Variants in SGSM1 observed in about 807,000 individuals in gnomAD.
SGSM1 encodes the protein RUN and TBC1 domain containing 2.
Under a neutral mutation model 133.8 loss-of-function variants are expected in SGSM1, and 73 were observed. The observed-to-expected ratio is 0.55, with a 90% CI of 0.45 to 0.66. The LOEUF (loss-of-function observed/expected upper bound fraction) is 0.66, where lower values mean the gene tolerates loss of function less well. Among genes scored for constraint, SGSM1 ranks in the 30% least tolerant of loss-of-function variants. The pLI, the probability that SGSM1 is intolerant of heterozygous loss-of-function variation, is 0.00. For synonymous variants in SGSM1, 563 were observed against 573.0 expected, an observed-to-expected ratio of 0.98 and a Z score of 0.25; for missense variants, 1,213 against 1,448.1, an observed-to-expected ratio of 0.84 and a Z score of 2.64.
In SGSM1 at chr22:24,806,257, C is replaced by A. The variant is rs1364023195; in HGVS notation, c.-69C>A. ...CGCCGCGGCTGCAGCAGCAGCGCCG[C>A]GGCCGGAGGAGCTACCGCCGCCACC... is the stretch of plus-strand genomic sequence containing the variant. On this transcript the variant is annotated 5_prime_UTR_variant, in exon 1 of 25. Transcript: ENST00000400358. The A allele has an allele frequency of 3.7e-6, 5 of 1,351,406 alleles. No homozygotes were observed. In the African/African-American group the frequency reaches 4.6e-5, roughly 12 times the overall value. 83.7% of individuals were successfully genotyped at this position (1,351,406 alleles called of 1,614,324 possible).
At chr22:24,864,305 T>C (rs538356196) in intron 9 of SGSM1, among the ~76,000 whole-genome samples, 4 of 152,296 alleles carry the variant, frequency 2.6e-5, no homozygotes, top group African/African-American at 9.6e-5. Flanking sequence ...CCAGCAATTC[T>C]GCTCATAGGG....
chr22:24,829,889 C>T (rs1201495274), intron 2 of SGSM1, among the ~76,000 whole-genome samples: 1 of 152,226 alleles, frequency 6.6e-6, no homozygotes. Context: ...TGGACCACCC[C>T]ACACTCCCTG....
chr22:24,867,152 A>G lies in SGSM1; in HGVS notation c.986A>G (p.His329Arg), dbSNP rs1319688632. The change falls in exon 10 of 25, where the codon CAC becomes CGC. Residue 329 changes from histidine to arginine, a missense_variant. Transcript: ENST00000400358. ...GAGGAGATTGTCTACCTGCACTGCC[A>G]CCAGCAAGGTAGGGACTGTGGGGAC... ...RLEEIVYLHC[H>R]QQVDSGGTVV... 6.2e-7 allele frequency: 1 copy of G among 1,613,674 alleles called. No individual in the cohort carries two copies. The highest frequency in any genetic ancestry group is 1.3e-5 in the African/African-American group (1 of 74,910).
rs760931139 is a variant in SGSM1 at position 24,893,579 on chromosome 22, G to A, written c.1919G>A (p.Arg640Gln). 2.5e-6 allele frequency: 4 copies of A among 1,590,396 alleles called. No individual in the cohort carries two copies. Among genetic ancestry groups the A allele is most frequent in the Admixed American group, 1.7e-5 (1 of 57,262 alleles). ...SGASLDSHLH[R>Q]MLHRDSTISN... The stretch of plus-strand genomic sequence containing the variant: ...GCCAGCTTGGACAGCCACCTGCACC[G>A]GATGTTGCACAGGGACTCAACCATC... The change falls in exon 17 of 25, where the codon CGG becomes CAG. Residue 640 changes from arginine (R) to glutamine (Q), a missense_variant. Arg to Gln is a conservative substitution (Grantham distance 43). Transcript: ENST00000400358.
chr22:24,808,786 C>T (rs906551218), intron 2 of SGSM1, among the ~76,000 whole-genome samples: 1 of 152,102 alleles, frequency 6.6e-6, no homozygotes, highest in African/African-American at 2.4e-5. Context: ...AGGTCTGACC[C>T]GTGTCAGTCT....
rs1270943241 is a variant in SGSM1, at chr22:24,898,089, C to T, written c.2140C>T (p.His714Tyr). The change falls in exon 19 of 25, where the codon CAT becomes TAT. Residue 714 changes from histidine (H) to tyrosine (Y), a missense_variant. Coordinates refer to ENST00000400358, the MANE Select transcript of SGSM1 (RefSeq NM_001098497.3). ...VNGTCSPDSG[H>Y]PSSHNFSSGL... ...CGGCACTTGTTCCCCAGACTCGGGTCATCCTTCCTCCCATAACTTCTCCTC... is the reference window on the plus strand; with the variant it reads ...CGGCACTTGTTCCCCAGACTCGGGTTATCCTTCCTCCCATAACTTCTCCTC... 1 of 1,613,980 alleles carries T rather than the reference C, an allele frequency of 6.2e-7. No individual in the cohort carries two copies. Among genetic ancestry groups the T allele is most frequent in the Non-Finnish European group, 8.5e-7 (1 of 1,179,886 alleles).
intron 2 of SGSM1, among the ~76,000 whole-genome samples, chr22:24,807,611 C>G: frequency 6.6e-6 from 1 of 152,234 alleles, no homozygotes; most frequent in East Asian, 1.9e-4. Flanking sequence ...GCTGCTGTGT[C>G]TTCATCACTT....
In SGSM1 at chr22:24,901,966, G is replaced by A. The variant is rs1207955605; in HGVS notation, c.2735+9G>A. On this transcript the variant is annotated intron_variant, in intron 20 of 24. Coordinates refer to ENST00000400358, the MANE Select transcript of SGSM1 (RefSeq NM_001098497.3). ...CGTAACATCATGTGCAGGTGGCTGG[G>A]GACAGCGAGGGGATCTAGGGGATGG... 2 of 1,355,202 alleles carry A rather than the reference G, an allele frequency of 1.5e-6. No individual in the cohort carries two copies. Among genetic ancestry groups the A allele is most frequent in the Non-Finnish European group, 2.0e-6 (2 of 1,019,934 alleles). 83.9% of individuals were successfully genotyped at this position (1,355,202 alleles called of 1,614,324 possible).
intron 13 of SGSM1, among the ~76,000 whole-genome samples, chr22:24,877,999 T>TG (rs1932115629): frequency 6.6e-6 from 1 of 151,764 alleles, no homozygotes; most frequent in Admixed American, 6.6e-5. Context: ...TTAGTAGAGA[T>TG]GGGGTTTCAC....
At chr22:24,869,026 A>G (rs1035977451) in intron 12 of SGSM1, among the ~76,000 whole-genome samples, 171 bp downstream of exon 12, 2 of 152,174 alleles carry the variant, frequency 1.3e-5, no homozygotes, top group East Asian at 1.9e-4. Context: ...AATAAGAACA[A>G]TAACCACCCT....
At position 24,859,812 on chromosome 22, in the gene SGSM1, T is replaced by A; in HGVS notation, c.898T>A (p.Ser300Thr). 6.2e-7 allele frequency: 1 copy of A among 1,613,708 alleles called. No individual in the cohort carries two copies. Residue 300 changes from serine (S) to threonine (T), a missense_variant, in exon 9 of 25, where the codon TCT (serine) becomes ACT (threonine). Transcript: ENST00000400358. ...KWTPNQLMNGSVGDLDYEKSV... is the reference protein window; with the variant it reads ...KWTPNQLMNGTVGDLDYEKSV... ...GACACCCAACCAGCTGATGAACGGG[T>A]CTGTGGGGGACCTGGACTATGAGAA...
chr22:24,924,400 A>G lies in SGSM1; in HGVS notation c.*126A>G. ...GTGTCTGTTCACAAGCGTGGAGTTCAGTGCGCAAAGAAACTACCCTGACTT... is the reference window on the plus strand; with the variant it reads ...GTGTCTGTTCACAAGCGTGGAGTTCGGTGCGCAAAGAAACTACCCTGACTT... On this transcript the variant is annotated 3_prime_UTR_variant, in exon 25 of 25. Transcript: ENST00000400358. The G allele has an allele frequency of 1.4e-5, 11 of 762,856 alleles. No individual in the cohort carries two copies. The South Asian group carries it at 1.5e-4, about 11-fold the overall frequency. 47.3% of individuals were successfully genotyped at this position (762,856 alleles called of 1,614,324 possible). A position where few individuals can be genotyped will look rare whatever the true frequency, so the allele number is the denominator to read the frequency against.
At chr22:24,863,599 A>C (rs1931280643) in intron 9 of SGSM1, among the ~76,000 whole-genome samples, 1 of 152,184 alleles carries the variant, frequency 6.6e-6, no homozygotes, top group African/African-American at 2.4e-5. Context: ...AATGGAAGAT[A>C]AATGGCAGGA....
intron 24 of SGSM1, among the ~76,000 whole-genome samples, chr22:24,923,964 C>T (rs1167002999): frequency 1.3e-5 from 2 of 152,064 alleles, no homozygotes; most frequent in Non-Finnish European, 2.9e-5. Flanking sequence ...CAGCATTATC[C>T]CATTCAATCC....
At chr22:24,850,142 A>G (rs970836515) in intron 4 of SGSM1, 138 bp from the exon 5 acceptor site, 6 of 864,880 alleles carry the variant, frequency 6.9e-6, no homozygotes, top group Admixed American at 2.9e-5. Context: ...CCAGCTTGCT[A>G]GCGGCAATAT....
At chr22:24,856,149 T>C (rs73155761) in intron 8 of SGSM1, 4,610 of 344,260 alleles carry the variant, frequency 0.013, 53 homozygotes, top group South Asian at 0.021. Flanking sequence ...TCTCACTTCA[T>C]TGATTCAGCA....
chr22:24,824,644 G>C (rs1437249888), intron 2 of SGSM1, among the ~76,000 whole-genome samples: 1 of 152,140 alleles, frequency 6.6e-6, no homozygotes, highest in Non-Finnish European at 1.5e-5. Context: ...CTCCACGGTG[G>C]CTATGTGGGG....
At chr22:24,841,956 C>T (rs2147828916) in intron 2 of SGSM1, among the ~76,000 whole-genome samples, 1 of 152,298 alleles carries the variant, frequency 6.6e-6, no homozygotes, top group South Asian at 2.1e-4. Flanking sequence ...ATTCTCAGTT[C>T]TTAATTAACC....
At position 24,806,259 on chromosome 22, in the gene SGSM1, GC is replaced by G; in HGVS notation, c.-65del. 7.3e-7 allele frequency: 1 copy of G among 1,371,718 alleles called. No individual in the cohort carries two copies. The allele number at this position is 1,371,718 out of a possible 1,614,324, so 85.0% of individuals were successfully genotyped here. ...CCGCGGCTGCAGCAGCAGCGCCGCGGCCGGAGGAGCTACCGCCGCCACCGCC... is the reference window on the plus strand; with the variant it reads ...CCGCGGCTGCAGCAGCAGCGCCGCGGCGGAGGAGCTACCGCCGCCACCGCC... On this transcript the variant is annotated 5_prime_UTR_variant, in exon 1 of 25. Transcript: ENST00000400358.
Sources: gnomAD v4.1 joint callset for allele counts (sites outside exome capture counted in the v4.1 genomes callset) on GRCh38, gnomAD v4.1.1 for gene constraint, MANE v1.5 for transcripts, NCBI Gene and HGNC (gene_info 2026-07-23, HGNC 2026-07-21) for gene names.